Variants in TMTC1 observed in about 807,000 individuals in gnomAD.
TMTC1 encodes transmembrane O-mannosyltransferase targeting cadherins 1, also known as protein O-mannosyl-transferase TMTC1.
In TMTC1, 73 loss-of-function variants were observed where a neutral mutation model predicts 104.8. The ratio of observed to expected loss-of-function variants is 0.70; its 90% CI spans 0.58 to 0.85. The LOEUF (loss-of-function observed/expected upper bound fraction) is 0.85, where lower values mean the gene tolerates loss of function less well. TMTC1 is among the 40% of genes least tolerant of loss of function. TMTC1 has a pLI of 0.00. For synonymous variants in TMTC1, 434 were observed against 428.7 expected (o/e 1.01, Z -0.15); for missense variants, 1,035 against 1,096.1 (o/e 0.94, Z 0.79).
chr12:29,715,641 T>C (rs139198578), intron 5 of TMTC1, among the ~76,000 whole-genome samples: 537 of 152,280 alleles, frequency 3.5e-3, no homozygotes, highest in Non-Finnish European at 5.6e-3. Flanking sequence ...ATTAGTCCAT[T>C]CTCATGCTGC....
chr12:29,744,907 AAAT>A, intron 5 of TMTC1, among the ~76,000 whole-genome samples: 1 of 152,280 alleles, frequency 6.6e-6, no homozygotes, highest in Admixed American at 6.5e-5. Flanking sequence ...TTATTTTTGA[AAAT>A]AAGTTTTGTA....
At chr12:29,541,061 T>C (rs1944784113) in intron 10 of TMTC1, among the ~76,000 whole-genome samples, 1 of 152,188 alleles carries the variant, frequency 6.6e-6, no homozygotes, top group Admixed American at 6.5e-5. Flanking sequence ...TAGATCTTTG[T>C]AAATCTCCTT....
chr12:29,638,024 C>T (rs1370061363), intron 5 of TMTC1, among the ~76,000 whole-genome samples: 3 of 152,142 alleles, frequency 2.0e-5, no homozygotes, highest in Non-Finnish European at 4.4e-5. Flanking sequence ...CCCCACCCGG[C>T]CCAGACTCTA....
chr12:29,638,987 C>G (rs571802266), intron 5 of TMTC1, among the ~76,000 whole-genome samples: 2 of 152,222 alleles, frequency 1.3e-5, no homozygotes, highest in Non-Finnish European at 2.9e-5. Flanking sequence ...TCTTTAGCAT[C>G]TTCTTCCCCT....
chr12:29,577,051 T>C (rs1945843738), intron 8 of TMTC1, among the ~76,000 whole-genome samples: 1 of 152,172 alleles, frequency 6.6e-6, no homozygotes, highest in East Asian at 1.9e-4. Flanking sequence ...GCATGGAGAA[T>C]ACCTAAGGAG....
At chr12:29,545,629 T>TCACACACACACACACACACACACACA (rs55958433) in intron 10 of TMTC1, among the ~76,000 whole-genome samples, 3 of 73,530 alleles carry the variant, frequency 4.1e-5, no homozygotes, top group African/African-American at 1.7e-4. Context: ...CAAGACTCTG[T>TCACACACACACACACACACACACACA]CACACACACA....
intron 6 of TMTC1, among the ~76,000 whole-genome samples, chr12:29,624,996 AT>A (rs1299181949): frequency 6.6e-6 from 1 of 152,084 alleles, no homozygotes; most frequent in African/African-American, 2.4e-5. Flanking sequence ...TTTATTCAGT[AT>A]TTTTTTCTTG....
At position 29,506,663 on chromosome 12, in the gene TMTC1, C is replaced by T; in HGVS notation, c.*183G>A. The T allele has an allele frequency of 1.5e-6, 1 of 661,210 alleles. No homozygotes were observed. Among genetic ancestry groups the T allele is most frequent in the South Asian group, 2.0e-5 (1 of 48,970 alleles). The allele number at this position is 661,210 out of a possible 1,614,324, so 41.0% of individuals were successfully genotyped here. A position where few individuals can be genotyped will look rare whatever the true frequency, so the allele number is the denominator to read the frequency against. The stretch of plus-strand genomic sequence containing the variant: ...TGCCCTTGTTTGCTGTTTTCGTCTT[C>T]TTCATGGAAAAGCAAGTCCTTCAGC... On this transcript the variant is annotated 3_prime_UTR_variant, in exon 18 of 18. Coordinates refer to ENST00000539277, the MANE Select transcript of TMTC1 (RefSeq NM_001193451.2).
At chr12:29,770,040 G>T (rs979676063) in intron 1 of TMTC1, among the ~76,000 whole-genome samples, 1 of 151,756 alleles carries the variant, frequency 6.6e-6, no homozygotes, top group African/African-American at 2.4e-5. Context: ...AGTGAGAAAG[G>T]CAAGACATCT....
At chr12:29,518,772 T>C (rs984645843) in intron 12 of TMTC1, among the ~76,000 whole-genome samples, 165 bp from the exon 13 acceptor site, 1 of 152,158 alleles carries the variant, frequency 6.6e-6, no homozygotes, top group African/African-American at 2.4e-5. Context: ...ATCCTGGCCA[T>C]TGCCTAACTT....
At chr12:29,650,625 TATAA>T (rs1939473564) in intron 5 of TMTC1, among the ~76,000 whole-genome samples, 2 of 152,180 alleles carry the variant, frequency 1.3e-5, no homozygotes, top group South Asian at 4.1e-4. Context: ...CACATGACGG[TATAA>T]ATAACTAAGT....
intron 5 of TMTC1, among the ~76,000 whole-genome samples, chr12:29,643,108 T>C (rs928505848): frequency 2.6e-5 from 4 of 151,966 alleles, no homozygotes; most frequent in Non-Finnish European, 4.4e-5. Flanking sequence ...GCCTTACTCC[T>C]GGGAGAATGG....
intron 3 of TMTC1, among the ~76,000 whole-genome samples, chr12:29,757,545 G>A (rs183616607): frequency 6.6e-6 from 1 of 152,120 alleles, no homozygotes. Flanking sequence ...TAAGACTATA[G>A]GTCAATGAAC....
At chr12:29,703,551 G>A (rs1941660858) in intron 5 of TMTC1, among the ~76,000 whole-genome samples, 1 of 152,100 alleles carries the variant, frequency 6.6e-6, no homozygotes, top group Admixed American at 6.5e-5. Context: ...TTTTTTCCAA[G>A]ATACCATTTG....
At chr12:29,583,701 C>G (rs1451072591) in intron 7 of TMTC1, 127 bp from the exon 8 acceptor site, 3 of 822,342 alleles carry the variant, frequency 3.6e-6, no homozygotes, top group African/African-American at 3.5e-5. Context: ...TAGAAACTCC[C>G]CTGCCTTGGA....
At chr12:29,554,394 C>A (rs568944526) in intron 10 of TMTC1, among the ~76,000 whole-genome samples, 1 of 151,542 alleles carries the variant, frequency 6.6e-6, no homozygotes, top group South Asian at 2.1e-4. Flanking sequence ...TTTAATATCA[C>A]TGTTAGTAGG....
At position 29,783,316 on chromosome 12, in the gene TMTC1, AGAGGAGG is replaced by A. The variant is rs1943878589; in HGVS notation, c.302+127_302+133del. On this transcript the variant is annotated intron_variant, in intron 1 of 17. Transcript: ENST00000539277. This position sits in a 1 kb window ranked among gnomAD's most constrained non-coding sequence, Gnocchi z 4.7. ...GAGCAAAGTGCCATGCACATCCTGG[AGAGGAGG>A]GAGGCGTGGAGGGAAAGGGCGGCAA... 1.2e-5 allele frequency: 9 copies of A among 771,862 alleles called. No individual in the cohort carries two copies. Among genetic ancestry groups the A allele is most frequent in the Non-Finnish European group, 1.6e-5 (9 of 565,140 alleles). The allele number at this position is 771,862 out of a possible 1,614,324, so 47.8% of individuals were successfully genotyped here.
chr12:29,689,756 T>G (rs1941208879), intron 5 of TMTC1, among the ~76,000 whole-genome samples: 1 of 152,232 alleles, frequency 6.6e-6, no homozygotes, highest in African/African-American at 2.4e-5. Flanking sequence ...TGAGTAAATG[T>G]GCTCCCTTCT....
In TMTC1 at chr12:29,566,866, C is replaced by G. The variant is rs1410764934; in HGVS notation, c.1532+5239G>C. Among the ~76,000 whole-genome samples, 3 of 152,128 alleles carry G rather than the reference C, an allele frequency of 2.0e-5. No individual in the cohort carries two copies. The East Asian group carries it at 5.8e-4, about 29-fold the overall frequency. ...GCTAAACCTGCCATATTTACTTATA[C>G]AAGAAATCACAGCTGGTGTAAAGTT... On this transcript the variant is annotated intron_variant, in intron 9 of 17. Coordinates refer to ENST00000539277, the MANE Select transcript of TMTC1 (RefSeq NM_001193451.2).
Sources: gnomAD v4.1 joint callset for allele counts (sites outside exome capture counted in the v4.1 genomes callset) on GRCh38, gnomAD v4.1.1 for gene constraint, Gnocchi (gnomAD v3.1) non-coding constraint, MANE v1.5 for transcripts, NCBI Gene and HGNC (gene_info 2026-07-23, HGNC 2026-07-21) for gene names.